Variants in EDNRB observed in about 807,000 individuals in gnomAD.
EDNRB encodes endothelin receptor type B.
EDNRB carries 18 observed loss-of-function variants against 46.4 expected under a neutral mutation model. The observed-to-expected ratio is 0.39, with a 90% CI of 0.27 to 0.57. The LOEUF (loss-of-function observed/expected upper bound fraction) is 0.57. EDNRB is among the 20% of genes least tolerant of loss of function. The pLI is 0.61. For missense variants in EDNRB, 434 were observed against 537.5 expected, an observed-to-expected ratio of 0.81 and a Z score of 1.90; for synonymous variants, 213 against 204.9, an observed-to-expected ratio of 1.04 and a Z score of -0.34.
chr13:77,947,648 C>G (rs1435128435), intron 1 of EDNRB: 3 of 152,136 alleles, frequency 2.0e-5, no homozygotes, highest in Non-Finnish European at 4.4e-5. Flanking sequence ...CATATTGATG[C>G]CAAACTTAGT....
intron 1 of EDNRB, among the ~76,000 whole-genome samples, chr13:77,906,261 A>G (rs903024448): frequency 6.6e-6 from 1 of 151,958 alleles, no homozygotes; most frequent in Non-Finnish European, 1.5e-5. Context: ...GAACCCATGT[A>G]GCTTTAAAAG....
intron 1 of EDNRB, among the ~76,000 whole-genome samples, chr13:77,937,965 A>G (rs1297347428): frequency 6.6e-6 from 1 of 152,154 alleles, no homozygotes; most frequent in African/African-American, 2.4e-5. Flanking sequence ...TACGACAAGA[A>G]TTATTTAGAT....
chr13:77,936,973 C>T (rs935134479), intron 1 of EDNRB, among the ~76,000 whole-genome samples: 4 of 152,126 alleles, frequency 2.6e-5, no homozygotes, highest in African/African-American at 9.7e-5. Context: ...ACCTTGAAGG[C>T]GAGGTTGATT....
chr13:77,958,617 G>A (rs2329053), intron 1 of EDNRB, among the ~76,000 whole-genome samples: 26,417 of 152,004 alleles, frequency 0.17, 2,770 homozygotes, highest in East Asian at 0.54. Context: ...CTTGGAACCC[G>A]CCTGCCTCAG....
chr13:77,954,475 A>G (rs1477596320), intron 1 of EDNRB, among the ~76,000 whole-genome samples: 1 of 142,334 alleles, frequency 7.0e-6, no homozygotes, highest in East Asian at 2.0e-4. Flanking sequence ...CTTTTTTAAG[A>G]AAGTATTTAT....
rs541269180 is a variant in EDNRB at position 77,918,203 on chromosome 13, C to T, written c.371G>A (p.Arg124Lys). ...CATGCACTTGTTCTTGTAGATAATT[C>T]TCAGAAGTGTGGAGTTCCCGATGAT... ...LGIIGNSTLL[R>K]IIYKNKCMRN... Residue 124 changes from arginine to lysine, a missense_variant, in exon 1 of 7, where the codon AGA becomes AAA. Physicochemically the swap from Arg to Lys is conservative, Grantham distance 26 (BLOSUM62 2). Transcript: ENST00000646607. The surrounding 1 kb of genome is among the most constrained non-coding windows in gnomAD (Gnocchi z 4.5). 6.8e-6 allele frequency: 11 copies of T among 1,614,142 alleles called. No individual in the cohort carries two copies. In the African/African-American group the frequency reaches 9.3e-5, roughly 14 times the overall value.
chr13:77,974,799 T>C (rs532585540), intron 1 of EDNRB, among the ~76,000 whole-genome samples: 1 of 152,314 alleles, frequency 6.6e-6, no homozygotes, highest in Non-Finnish European at 1.5e-5. Flanking sequence ...GGCTTCCTTC[T>C]GATGGCCAAC....
chr13:77,966,353 G>C (rs906453588), intron 1 of EDNRB, among the ~76,000 whole-genome samples: 1 of 152,046 alleles, frequency 6.6e-6, no homozygotes, highest in South Asian at 2.1e-4. Context: ...CTTATATGTG[G>C]CACACAAACT....
intron 6 of EDNRB, 54 bp from the exon 7 acceptor site, chr13:77,898,388 T>C: frequency 6.2e-7 from 1 of 1,606,630 alleles, no homozygotes. Flanking sequence ...CTTTCCCAAC[T>C]CTTCCTCCTC....
chr13:77,933,557 A>G (rs148400335), intron 1 of EDNRB, among the ~76,000 whole-genome samples: 3,762 of 152,266 alleles, frequency 0.025, 75 homozygotes, highest in East Asian at 0.087. Flanking sequence ...CAGTTAAGGC[A>G]GGAACTGGCC....
rs367784195 is a variant in EDNRB at position 77,928,921 on chromosome 13, T to C, written c.-51-10297A>G. ...CAACCTCTCACTTTTAAATCATTTT[T>C]TATAGTGATTAAATTTACTTAAGTT... On this transcript the variant is annotated intron_variant, in intron 1 of 7. Coordinates refer to the EDNRB transcript ENST00000646948. 2.0e-5 allele frequency among the ~76,000 whole-genome samples: 3 copies of C among 152,234 alleles called. No individual in the cohort carries two copies. In the South Asian group the frequency reaches 6.2e-4, roughly 31 times the overall value.
intron 1 of EDNRB, among the ~76,000 whole-genome samples, chr13:77,912,316 T>C (rs1284064775): frequency 6.6e-6 from 1 of 152,050 alleles, no homozygotes; most frequent in African/African-American, 2.4e-5. Flanking sequence ...TACCATCAAA[T>C]TGAACCTAGG....
intron 1 of EDNRB, among the ~76,000 whole-genome samples, chr13:77,958,937 C>T (rs1182457698): frequency 6.6e-6 from 1 of 152,164 alleles, no homozygotes; most frequent in African/African-American, 2.4e-5. Flanking sequence ...AGATGGTTGT[C>T]TGTTGCCTGC....
intron 1 of EDNRB, among the ~76,000 whole-genome samples, chr13:77,962,057 A>G (rs1881431250): frequency 6.6e-6 from 1 of 152,156 alleles, no homozygotes; most frequent in African/African-American, 2.4e-5. Context: ...CTGGACACGT[A>G]CACCCTCCTA....
rs2137596279 is a variant in EDNRB at position 77,896,787 on chromosome 13, C to T, written c.*1413G>A. On this transcript the variant is annotated 3_prime_UTR_variant, in exon 7 of 7. Coordinates refer to ENST00000646607, the MANE Select transcript of EDNRB (RefSeq NM_001122659.3). The stretch of plus-strand genomic sequence containing the variant: ...ACCCCACCTCATTTCCTCTCTCTTC[C>T]GTTTTCTCTTGTACATACTTTCACA... 5.4e-6 allele frequency: 7 copies of T among 1,292,876 alleles called. No individual in the cohort carries two copies. The highest frequency in any genetic ancestry group is 3.7e-5 in the Admixed American group (1 of 26,670). The allele number at this position is 1,292,876 out of a possible 1,614,324, so 80.1% of individuals were successfully genotyped here. A position where few individuals can be genotyped will look rare whatever the true frequency, so the allele number is the denominator to read the frequency against.
chr13:77,901,165 A>G lies in EDNRB; in HGVS notation c.844T>C (p.Phe282Leu). 6.2e-7 allele frequency: 1 copy of G among 1,611,430 alleles called. No homozygotes were observed. Among genetic ancestry groups the G allele is most frequent in the Non-Finnish European group, 8.5e-7 (1 of 1,178,408 alleles). The stretch of plus-strand genomic sequence containing the variant: ...GCAGTGATGGCCAATGGCAAGCAGA[A>G]ATAGAAACTGAATAGCCACCAATCT... The part of the protein sequence containing the change: ...AKDWWLFSFY[F>L]CLPLAITAFF... Residue 282 changes from phenylalanine to leucine, a missense_variant, in exon 4 of 7, where the codon TTC (phenylalanine) becomes CTC (leucine). Coordinates refer to ENST00000646607, the MANE Select transcript of EDNRB (RefSeq NM_001122659.3).
intron 1 of EDNRB, among the ~76,000 whole-genome samples, chr13:77,940,229 C>T (rs1880703890): frequency 6.6e-6 from 1 of 151,802 alleles, no homozygotes; most frequent in Non-Finnish European, 1.5e-5. Context: ...ATGAGCTTCA[C>T]TATAAGAGAT....
upstream of EDNRB, among the ~76,000 whole-genome samples, chr13:77,920,622 T>A (rs944700341): frequency 1.3e-5 from 2 of 152,182 alleles, no homozygotes; most frequent in Non-Finnish European, 2.9e-5. Flanking sequence ...AAAGGTGAAC[T>A]TTAAGTGTGA....
Position 77,896,670 on chromosome 13 carries a change from TG to T in EDNRB, c.*1529del. 1 of 1,465,624 alleles carries T rather than the reference TG, an allele frequency of 6.8e-7. No individual in the cohort carries two copies. Among genetic ancestry groups the T allele is most frequent in the South Asian group, 1.4e-5 (1 of 70,938 alleles). 90.8% of individuals were successfully genotyped at this position (1,465,624 alleles called of 1,614,324 possible). On this transcript the variant is annotated 3_prime_UTR_variant, in exon 7 of 7. Coordinates refer to ENST00000646607, the MANE Select transcript of EDNRB (RefSeq NM_001122659.3). ...CTGAGAACATTGCACTGTGTTTTGC[TG>T]GAACAAAATCAGGACCTTTTGCATT...
Sources: allele counts gnomAD v4.1 joint callset (sites outside exome capture counted in the v4.1 genomes callset), GRCh38; gene constraint gnomAD v4.1.1; non-coding constraint Gnocchi (gnomAD v3.1); transcripts MANE v1.5; gene names NCBI Gene and HGNC (gene_info 2026-07-23, HGNC 2026-07-21).